NTM: variants seen among roughly 807,000 people sequenced by gnomAD.
NTM encodes the protein IgLON family member 2.
In NTM, 13 loss-of-function variants were observed where a neutral mutation model predicts 42.1. The observed-to-expected ratio is 0.31, with a 90% CI of 0.20 to 0.49. The LOEUF is 0.49. Among genes scored for constraint, NTM ranks in the 20% least tolerant of loss-of-function variants. The pLI is 0.99. For synonymous variants in NTM, 187 were observed against 179.2 expected, an observed-to-expected ratio of 1.04 and a Z score of -0.35; for missense variants, 373 against 452.8, an observed-to-expected ratio of 0.82 and a Z score of 1.60.
chr11:131,881,275 T>C (rs1278394556), intron 1 of NTM, among the ~76,000 whole-genome samples: 3 of 152,056 alleles, frequency 2.0e-5, no homozygotes, highest in Non-Finnish European at 4.4e-5. Flanking sequence ...CATAGGCAAA[T>C]AGAACTTTTC....
At chr11:131,486,937 CT>C (rs1425973472) in intron 1 of NTM, among the ~76,000 whole-genome samples, 1 of 152,194 alleles carries the variant, frequency 6.6e-6, no homozygotes, top group African/African-American at 2.4e-5. Context: ...CAGAGTGGCC[CT>C]CTGATTACAA....
Position 131,380,565 on chromosome 11 carries a change from G to C in NTM, c.82+9677G>C, listed in dbSNP as rs548082192. 1.6e-4 allele frequency among the ~76,000 whole-genome samples: 25 copies of C among 152,122 alleles called. 1 individual carries two copies. The South Asian group carries it at 5.2e-3, about 32-fold the overall frequency. ...CCTTGCACTTTTTCTTACCTTTACTGTTCATATCCACAACCTGTTAGTGTA... is the reference window on the plus strand; with the variant it reads ...CCTTGCACTTTTTCTTACCTTTACTCTTCATATCCACAACCTGTTAGTGTA... On this transcript the variant is annotated intron_variant, in intron 1 of 8. Coordinates refer to ENST00000683400, the MANE Select transcript of NTM (RefSeq NM_001352005.2).
intron 1 of NTM, among the ~76,000 whole-genome samples, chr11:131,894,820 T>C (rs1388608364): frequency 3.9e-5 from 6 of 152,212 alleles, no homozygotes; most frequent in Non-Finnish European, 8.8e-5. Flanking sequence ...GATACTAGTA[T>C]GATTGGTGTC....
intron 4 of NTM, among the ~76,000 whole-genome samples, chr11:132,230,568 C>T (rs922126145): frequency 1.3e-5 from 2 of 152,244 alleles, no homozygotes; most frequent in Admixed American, 6.5e-5. Context: ...CCTTTCTGCT[C>T]ACCACTCTCC....
chr11:131,673,482 AGT>A (rs1231528004), intron 1 of NTM, among the ~76,000 whole-genome samples: 1 of 152,146 alleles, frequency 6.6e-6, no homozygotes, highest in Non-Finnish European at 1.5e-5. Flanking sequence ...TATGTGTTTC[AGT>A]GTGTGTGTCT....
At chr11:131,711,406 A>C (rs1253514063) in intron 1 of NTM, among the ~76,000 whole-genome samples, 1 of 152,254 alleles carries the variant, frequency 6.6e-6, no homozygotes, top group Non-Finnish European at 1.5e-5. Flanking sequence ...GCTATCAGAG[A>C]AATGCAAATC....
chr11:131,828,394 C>A (rs1363179957), intron 1 of NTM, among the ~76,000 whole-genome samples: 1 of 151,984 alleles, frequency 6.6e-6, no homozygotes, highest in Non-Finnish European at 1.5e-5. Flanking sequence ...CACCATCACT[C>A]ATCATCAGCA....
intron 1 of NTM, among the ~76,000 whole-genome samples, chr11:131,667,970 CTG>C (rs1428815429): frequency 6.6e-6 from 1 of 152,204 alleles, no homozygotes; most frequent in East Asian, 1.9e-4. Context: ...TTGCCACACA[CTG>C]TGCAATCCAC....
In NTM at chr11:131,488,624, C is replaced by A. The variant is rs142368305; in HGVS notation, c.82+117736C>A. Among the ~76,000 whole-genome samples the A allele has an allele frequency of 4.1e-3, 624 of 152,266 alleles. 3 individuals are homozygous for A. The highest frequency in any genetic ancestry group is 0.012 in the African/African-American group (519 of 41,548). ...ATGTGCATACAGGGTGGGAGGAATTCTTGGAGGCCTTTTTTTGGCCAGTCC... is the reference window on the plus strand; with the variant it reads ...ATGTGCATACAGGGTGGGAGGAATTATTGGAGGCCTTTTTTTGGCCAGTCC... On this transcript the variant is annotated intron_variant, in intron 1 of 8. Transcript: ENST00000683400.
At chr11:131,438,192 TTCTC>T (rs1262967797) in intron 1 of NTM, among the ~76,000 whole-genome samples, 3 of 152,236 alleles carry the variant, frequency 2.0e-5, no homozygotes, top group African/African-American at 7.2e-5. Flanking sequence ...AACCTGACCT[TTCTC>T]TCTGGCTGCC....
At chr11:131,619,399 T>C (rs1276501662) in intron 1 of NTM, among the ~76,000 whole-genome samples, 2 of 152,162 alleles carry the variant, frequency 1.3e-5, no homozygotes, top group Non-Finnish European at 2.9e-5. Flanking sequence ...ATATCTCTAG[T>C]AACACTGAGG....
At chr11:132,058,649 G>A (rs1457609386) in intron 2 of NTM, among the ~76,000 whole-genome samples, 1 of 152,068 alleles carries the variant, frequency 6.6e-6, no homozygotes, top group Non-Finnish European at 1.5e-5. Flanking sequence ...ATTTTGTGTG[G>A]GTTTGGCTGG....
intron 1 of NTM, among the ~76,000 whole-genome samples, chr11:131,893,984 A>G (rs1211372583): frequency 1.3e-5 from 2 of 152,232 alleles, no homozygotes; most frequent in Non-Finnish European, 2.9e-5. Flanking sequence ...CATAGCTGCA[A>G]AAGAGAGAGA....
At chr11:132,222,421 G>T (rs192983988) in intron 4 of NTM, among the ~76,000 whole-genome samples, 1 of 152,184 alleles carries the variant, frequency 6.6e-6, no homozygotes, top group African/African-American at 2.4e-5. Context: ...GACATGAAAA[G>T]AAATTGCCAG....
chr11:132,031,619 T>C (rs536506678), intron 2 of NTM, among the ~76,000 whole-genome samples: 1 of 152,246 alleles, frequency 6.6e-6, no homozygotes, highest in East Asian at 1.9e-4. Context: ...AGTTTGAAGG[T>C]TGAGGGCAGG....
intron 1 of NTM, among the ~76,000 whole-genome samples, chr11:131,598,421 G>T (rs945140891): frequency 6.6e-6 from 1 of 152,188 alleles, no homozygotes; most frequent in Non-Finnish European, 1.5e-5. Context: ...TTTCTACACT[G>T]TCCTTGTTAT....
chr11:132,051,298 T>C (rs2078823872), intron 2 of NTM, among the ~76,000 whole-genome samples: 1 of 152,198 alleles, frequency 6.6e-6, no homozygotes. Context: ...GCAGGTACCA[T>C]TATTATCCTG....
At chr11:131,880,992 T>C (rs372720429) in intron 1 of NTM, among the ~76,000 whole-genome samples, 13 of 152,178 alleles carry the variant, frequency 8.5e-5, no homozygotes, top group East Asian at 5.8e-4. Flanking sequence ...TAACCATTAC[T>C]GCTTAAATTA....
At chr11:132,110,507 G>A (rs1243748422) in intron 2 of NTM, among the ~76,000 whole-genome samples, 1 of 152,190 alleles carries the variant, frequency 6.6e-6, no homozygotes. Flanking sequence ...GGGGCTTAAT[G>A]CCTTTCCATT....
Sources: gnomAD v4.1 joint callset for allele counts (sites outside exome capture counted in the v4.1 genomes callset) on GRCh38, gnomAD v4.1.1 for gene constraint, MANE v1.5 for transcripts, NCBI Gene and HGNC (gene_info 2026-07-23, HGNC 2026-07-21) for gene names.